The following FGF13 variants were observed in gnomAD, a reference collection of about 807,000 sequenced individuals.
FGF13 encodes fibroblast growth factor homologous factor 2.
Under a neutral mutation model 19.5 loss-of-function variants are expected in FGF13, and 2 were observed. The observed-to-expected ratio is 0.10, with a 90% CI of 0.04 to 0.32. FGF13 has a LOEUF of 0.32. Ranked by LOEUF, FGF13 falls within the 10% of genes least tolerant of loss-of-function variation. The pLI is 1.00. For missense variants in FGF13, 113 were observed against 192.7 expected, an observed-to-expected ratio of 0.59 and a Z score of 2.45; for synonymous variants, 72 against 76.9, an observed-to-expected ratio of 0.94 and a Z score of 0.33.
intron 1 of FGF13, among the ~76,000 whole-genome samples, chrX:138,953,751 C>G (rs961119603): frequency 9.0e-6 from 1 of 110,532 alleles, no homozygotes; most frequent in Non-Finnish European, 1.9e-5. Context: ...TAAAAAGAAA[C>G]CACTGATACA....
chrX:139,163,705 C>T (rs189834593), intron 1 of FGF13, among the ~76,000 whole-genome samples: 1 of 111,057 alleles, frequency 9.0e-6, no homozygotes, highest in African/African-American at 3.3e-5. Flanking sequence ...ACTACTACTA[C>T]TATTATTACT....
chrX:138,910,909 T>A (rs972206390), intron 1 of FGF13, among the ~76,000 whole-genome samples: 1 of 111,625 alleles, frequency 9.0e-6, no homozygotes, highest in African/African-American at 3.3e-5. Context: ...GCAGGTTGTT[T>A]GGCTTTCCTA....
chrX:139,191,287 T>G (rs913163109), intron 1 of FGF13, among the ~76,000 whole-genome samples: 6 of 112,545 alleles, frequency 5.3e-5, no homozygotes, highest in African/African-American at 1.9e-4. Context: ...GTATTCAGTT[T>G]TGTCACTTGT....
At chrX:138,738,775 T>C (rs1457638052) in intron 1 of FGF13, among the ~76,000 whole-genome samples, 1 of 112,265 alleles carries the variant, frequency 8.9e-6, no homozygotes, top group Non-Finnish European at 1.9e-5. Flanking sequence ...TCATCTTCTC[T>C]TTCTTTCCTT....
intron 1 of FGF13, among the ~76,000 whole-genome samples, chrX:138,720,190 C>A (rs1285956928): frequency 1.8e-5 from 2 of 112,110 alleles, no homozygotes; most frequent in African/African-American, 3.2e-5. Context: ...AATGACATAA[C>A]GAAACCAAAT....
At chrX:139,056,966 G>A (rs1402162625) in intron 1 of FGF13, among the ~76,000 whole-genome samples, 1 of 111,645 alleles carries the variant, frequency 9.0e-6, no homozygotes, top group Non-Finnish European at 1.9e-5. Context: ...AAAGCTGTCT[G>A]GGGAGACAGA....
chrX:138,778,955 C>T (rs185607030), intron 3 of FGF13, among the ~76,000 whole-genome samples: 14 of 112,284 alleles, frequency 1.2e-4, no homozygotes, highest in African/African-American at 3.2e-4. Context: ...TCTTCCAGCA[C>T]GAGCTGGAGA....
chrX:138,686,075 C>T (rs752318799), intron 3 of FGF13, among the ~76,000 whole-genome samples: 9 of 111,023 alleles, frequency 8.1e-5, no homozygotes, highest in Non-Finnish European at 1.1e-4. Context: ...AATAATATTA[C>T]GTTTTAACAT....
chrX:138,735,256 C>T (rs2090264639), intron 1 of FGF13, among the ~76,000 whole-genome samples: 1 of 111,870 alleles, frequency 8.9e-6, no homozygotes, highest in African/African-American at 3.2e-5. Flanking sequence ...CATGCACTAA[C>T]CAACCACAGA....
chrX:139,048,911 C>A (rs1034241470), intron 1 of FGF13, among the ~76,000 whole-genome samples: 3 of 111,002 alleles, frequency 2.7e-5, no homozygotes, highest in African/African-American at 9.8e-5. Context: ...TTCCATGGCA[C>A]ACAACACTAA....
At chrX:138,822,033 AG>A (rs1333433174) in intron 3 of FGF13, among the ~76,000 whole-genome samples, 2 of 111,656 alleles carry the variant, frequency 1.8e-5, no homozygotes, top group African/African-American at 3.2e-5. Flanking sequence ...CACCAAATCA[AG>A]ATCAACCTCA....
At chrX:138,739,305 T>G (rs2090303112) in exon 1 of FGF13, 3 of 1,193,290 alleles carry the variant, frequency 2.5e-6, no homozygotes, top group Non-Finnish European at 3.4e-6. Context: ...AGACAATTGC[T>G]GTCTACATTT....
At chrX:138,894,703 A>G (rs2091494419) in intron 1 of FGF13, among the ~76,000 whole-genome samples, 1 of 111,095 alleles carries the variant, frequency 9.0e-6, no homozygotes, top group African/African-American at 3.3e-5. Context: ...CCAGGACCAG[A>G]TGGATTCACA....
rs972940691 is a variant in FGF13, at chrX:138,630,004, G to C, written c.*2846C>G. 9.0e-6 allele frequency: 1 copy of C among 111,477 alleles called. No homozygotes were observed. Among genetic ancestry groups the C allele is most frequent in the Non-Finnish European group, 1.9e-5 (1 of 53,092 alleles). The allele number at this position is 111,477 out of a possible 1,213,427, so 9.2% of individuals were successfully genotyped here. On this transcript the variant is annotated 3_prime_UTR_variant, in exon 5 of 5. Transcript: ENST00000315930. Reference sequence around the variant, plus strand: ...GCCAGGAGGAATGCTACTAAAGGATGTGCATGAGGGGATGGGGTGGGAAAG... The same window carrying C: ...GCCAGGAGGAATGCTACTAAAGGATCTGCATGAGGGGATGGGGTGGGAAAG...
In FGF13 at chrX:138,625,803, T is replaced by C. The variant is rs2089058834; in HGVS notation, c.*7047A>G. 1 of 110,019 alleles carries C rather than the reference T, an allele frequency of 9.1e-6. No individual in the cohort carries two copies. The highest frequency in any genetic ancestry group is 9.9e-5 in the Admixed American group (1 of 10,117). The allele number at this position is 110,019 out of a possible 1,213,427, so 9.1% of individuals were successfully genotyped here. Reference sequence around the variant, plus strand: ...CTTTATATACCATTTCGGTTGTTCGTAGTAATTATGTTACCTTAAAAAAAT... The same window carrying C: ...CTTTATATACCATTTCGGTTGTTCGCAGTAATTATGTTACCTTAAAAAAAT... On this transcript the variant is annotated 3_prime_UTR_variant, in exon 5 of 5. Transcript: ENST00000315930.
intron 3 of FGF13, among the ~76,000 whole-genome samples, chrX:138,846,250 G>A (rs2124118206): frequency 9.4e-6 from 1 of 106,850 alleles, no homozygotes; most frequent in East Asian, 3.0e-4. Flanking sequence ...ATGGCAACTA[G>A]CGACCACAAA....
At chrX:138,851,160 TC>T (rs981178858) in intron 3 of FGF13, among the ~76,000 whole-genome samples, 2 of 112,285 alleles carry the variant, frequency 1.8e-5, no homozygotes, top group Non-Finnish European at 3.8e-5. Context: ...TTGGGTTCAT[TC>T]CATGTCTTTG....
intron 3 of FGF13, among the ~76,000 whole-genome samples, chrX:138,685,040 C>G (rs368258127): frequency 9.0e-6 from 1 of 111,586 alleles, no homozygotes; most frequent in African/African-American, 3.2e-5. Flanking sequence ...TCTTAGAAAA[C>G]GAAACTTCAA....
chrX:138,927,194 A>C (rs2091678562), intron 1 of FGF13, among the ~76,000 whole-genome samples: 2 of 111,977 alleles, frequency 1.8e-5, no homozygotes, highest in East Asian at 5.6e-4. Flanking sequence ...CAATGTGTTA[A>C]ATGGATGAAT....
Sources: gnomAD v4.1 joint callset for allele counts (sites outside exome capture counted in the v4.1 genomes callset) on GRCh38, gnomAD v4.1.1 for gene constraint, MANE v1.5 for transcripts, NCBI Gene and HGNC (gene_info 2026-07-23, HGNC 2026-07-21) for gene names.